MICALL1: variants seen among roughly 807,000 people sequenced by gnomAD.
The protein encoded by MICALL1 is MICAL-like protein 1.
In MICALL1, 61 loss-of-function variants were observed where a neutral mutation model predicts 83.7. The ratio of observed to expected loss-of-function variants is 0.73; its 90% CI spans 0.59 to 0.90. MICALL1 has a LOEUF of 0.90. Ranked by LOEUF, MICALL1 falls within the 40% of genes least tolerant of loss-of-function variation. The pLI is 0.00. For synonymous variants in MICALL1, 481 were observed against 473.6 expected (o/e 1.02, Z -0.20); for missense variants, 1,066 against 1,152.0 (o/e 0.93, Z 1.08).
intron 13 of MICALL1, among the ~76,000 whole-genome samples, chr22:37,936,846 C>T (rs1350310959): frequency 1.3e-5 from 2 of 151,522 alleles, no homozygotes; most frequent in Non-Finnish European, 2.9e-5. Context: ...GAGCCAAGAT[C>T]ACGCCACTGC....
At chr22:37,933,447 T>C (rs1218357288) in intron 13 of MICALL1, among the ~76,000 whole-genome samples, 1 of 152,188 alleles carries the variant, frequency 6.6e-6, no homozygotes, top group African/African-American at 2.4e-5. Flanking sequence ...AGACTGTTCC[T>C]TCTTCTGCCA....
intron 13 of MICALL1, among the ~76,000 whole-genome samples, chr22:37,935,208 A>C (rs1166528931): frequency 6.6e-6 from 1 of 151,722 alleles, no homozygotes; most frequent in African/African-American, 2.4e-5. Context: ...CTAGGATTAC[A>C]GGCGTGAGCC....
chr22:37,940,825 A>C lies in MICALL1; in HGVS notation c.2587A>C (p.Ser863Arg), dbSNP rs758096238. ...DAKSKSPRDK[S>R] ...CAAGAGCAAGTCCCCCAGAGACAAGAGCTAACAGCACGAGAAGCCAGTTGG... is the reference window on the plus strand; with the variant it reads ...CAAGAGCAAGTCCCCCAGAGACAAGCGCTAACAGCACGAGAAGCCAGTTGG... The change falls in exon 16 of 16, where the codon AGC becomes CGC. Residue 863 changes from serine (S) to arginine (R), a missense_variant. Coordinates refer to ENST00000215957, the MANE Select transcript of MICALL1 (RefSeq NM_033386.4). 3 of 1,613,740 alleles carry C rather than the reference A, an allele frequency of 1.9e-6. No homozygotes were observed. The African/African-American group carries it at 4.0e-5, about 22-fold the overall frequency.
chr22:37,910,598 G>A (rs1928255205), intron 1 of MICALL1, among the ~76,000 whole-genome samples: 1 of 152,136 alleles, frequency 6.6e-6, no homozygotes, highest in South Asian at 2.1e-4. Context: ...TGGCAAAAAG[G>A]GAGCTGGTGC....
At chr22:37,914,998 CTG>C (rs1463520234) in intron 3 of MICALL1, among the ~76,000 whole-genome samples, 4 of 150,788 alleles carry the variant, frequency 2.7e-5, no homozygotes, top group African/African-American at 9.7e-5. Context: ...TGGCTCATGC[CTG>C]TAATCCCAGC....
At position 37,927,697 on chromosome 22, in the gene MICALL1, G is replaced by A; in HGVS notation, c.1752G>A (p.Arg584=). The A allele has an allele frequency of 1.9e-6, 3 of 1,614,088 alleles. No homozygotes were observed. Among genetic ancestry groups the A allele is most frequent in the Non-Finnish European group, 2.5e-6 (3 of 1,180,010 alleles). Residue 584 remains arginine (R), a synonymous_variant, in exon 9 of 16, where the codon AGG becomes AGA. Transcript: ENST00000215957. Reference sequence around the variant, plus strand: ...AAGCCAGCCCTGGCCTTGCCCCCAGGACCAGGGGCAGCTCAGGTCCCCAGC... The same window carrying A: ...AAGCCAGCCCTGGCCTTGCCCCCAGAACCAGGGGCAGCTCAGGTCCCCAGC... ...MPQASPGLAP[R]TRGSSGPQPA... is the part of the protein sequence containing the mutation.
intron 10 of MICALL1, 40 bp downstream of exon 10, chr22:37,931,973 C>T (rs1180876301): frequency 1.2e-6 from 2 of 1,602,630 alleles, no homozygotes; most frequent in Admixed American, 3.4e-5. Flanking sequence ...CTGGCCTGGG[C>T]TGGCAACCCC....
intron 5 of MICALL1, among the ~76,000 whole-genome samples, chr22:37,919,881 C>T (rs927297958): frequency 2.0e-5 from 3 of 151,704 alleles, no homozygotes; most frequent in Non-Finnish European, 2.9e-5. Flanking sequence ...CCCGGCTACT[C>T]GGGAAGCTGA....
intron 3 of MICALL1, among the ~76,000 whole-genome samples, chr22:37,916,645 G>A (rs149364990): frequency 1.5e-4 from 22 of 151,190 alleles, no homozygotes; most frequent in Non-Finnish European, 1.8e-4. Flanking sequence ...ACGCTCAGTG[G>A]GTGCCAGTGA....
chr22:37,916,414 A>C (rs1052459933), intron 3 of MICALL1, among the ~76,000 whole-genome samples: 3 of 152,194 alleles, frequency 2.0e-5, no homozygotes, highest in East Asian at 1.9e-4. Flanking sequence ...TTTTTATCCC[A>C]TCTGCTGCTT....
At chr22:37,913,639 C>T (rs2145885223) in intron 3 of MICALL1, among the ~76,000 whole-genome samples, 1 of 152,260 alleles carries the variant, frequency 6.6e-6, no homozygotes, top group East Asian at 1.9e-4. Context: ...CTGGGCATTC[C>T]CATGCAAGGA....
chr22:37,935,882 A>G (rs1436892869), intron 13 of MICALL1, among the ~76,000 whole-genome samples: 1 of 152,024 alleles, frequency 6.6e-6, no homozygotes, highest in Non-Finnish European at 1.5e-5. Flanking sequence ...GGTGTGTGCC[A>G]CCACACCCCG....
rs1487570765 is a variant in MICALL1 at position 37,917,773 on chromosome 22, T to C, written c.404T>C (p.Val135Ala). 2 of 1,613,640 alleles carry C rather than the reference T, an allele frequency of 1.2e-6. No individual in the cohort carries two copies. Among genetic ancestry groups the C allele is most frequent in the Admixed American group, 3.3e-5 (2 of 60,010 alleles). Residue 135 changes from valine (V) to alanine (A), a missense_variant, in exon 4 of 16, where the codon GTG becomes GCG. Transcript: ENST00000215957. ...CCGCCGTCTGTAGCACCCACTCCAG[T>C]GGAACCAGAAGATGTGGCTCAGGTA... is the stretch of plus-strand genomic sequence containing the variant. ...CSPPSVAPTP[V>A]EPEDVAQGEE... is the part of the protein sequence containing the mutation.
chr22:37,933,376 C>T (rs1294081783), intron 13 of MICALL1, among the ~76,000 whole-genome samples: 1 of 152,108 alleles, frequency 6.6e-6, no homozygotes, highest in Non-Finnish European at 1.5e-5. Context: ...CCAGGGATGA[C>T]AGGCTCTCAG....
In MICALL1 at chr22:37,937,076, G is replaced by A; in HGVS notation, c.2309-4G>A. On this transcript the variant is annotated splice_region_variant and splice_polypyrimidine_tract_variant and intron_variant, in intron 13 of 15. Coordinates refer to ENST00000215957, the MANE Select transcript of MICALL1 (RefSeq NM_033386.4). ...CATGCCCCCTAACTTTTCTCCCTGGGCAGAAAAGGACTGGACGGAGGAGGA... is the reference window on the plus strand; with the variant it reads ...CATGCCCCCTAACTTTTCTCCCTGGACAGAAAAGGACTGGACGGAGGAGGA... 6.4e-7 allele frequency: 1 copy of A among 1,551,262 alleles called. No individual in the cohort carries two copies. Among genetic ancestry groups the A allele is most frequent in the Non-Finnish European group, 8.7e-7 (1 of 1,146,736 alleles).
At chr22:37,937,655 T>C (rs1930211090) in intron 14 of MICALL1, 91 bp from the exon 15 acceptor site, 2 of 1,348,848 alleles carry the variant, frequency 1.5e-6, no homozygotes, top group Non-Finnish European at 2.1e-6. Flanking sequence ...AACTCCTGAC[T>C]TCAGGTGATC....
At position 37,932,203 on chromosome 22, in the gene MICALL1, C is replaced by T. The variant is rs1929826540; in HGVS notation, c.2016+270C>T. 6.6e-6 allele frequency among the ~76,000 whole-genome samples: 1 copy of T among 152,280 alleles called. No homozygotes were observed. The highest frequency in any genetic ancestry group is 6.5e-5 in the Admixed American group (1 of 15,286). On this transcript the variant is annotated intron_variant, in intron 10 of 15. Transcript: ENST00000215957. This position sits in a 1 kb window ranked among gnomAD's most constrained non-coding sequence, Gnocchi z 4.4. The stretch of plus-strand genomic sequence containing the variant: ...CAAGTATCAAGCACTCATGATAACA[C>T]TGCTACTTAAGCTGATTAGAGTGTT...
Position 37,906,622 on chromosome 22 carries a change from C to T in MICALL1, c.146+54C>T. ...GGCGCGGGGCGGGCTGGGGCCGCGA[C>T]CGCCGCCCCCCCTCAGTAACACGAA... On this transcript the variant is annotated intron_variant, in intron 1 of 15. Coordinates refer to ENST00000215957, the MANE Select transcript of MICALL1 (RefSeq NM_033386.4). This position sits in a 1 kb window ranked among gnomAD's most constrained non-coding sequence, Gnocchi z 4.4. The T allele has an allele frequency of 8.8e-7, 1 of 1,138,690 alleles. No individual in the cohort carries two copies. The highest frequency in any genetic ancestry group is 1.1e-6 in the Non-Finnish European group (1 of 924,932). 70.5% of individuals were successfully genotyped at this position (1,138,690 alleles called of 1,614,324 possible). A position where few individuals can be genotyped will look rare whatever the true frequency, so the allele number is the denominator to read the frequency against.
chr22:37,931,825 C>G lies in MICALL1; in HGVS notation c.1908C>G (p.Asn636Lys). 1 of 1,614,124 alleles carries G rather than the reference C, an allele frequency of 6.2e-7. No individual in the cohort carries two copies. The highest frequency in any genetic ancestry group is 8.5e-7 in the Non-Finnish European group (1 of 1,180,034). The change falls in exon 10 of 16, where the codon AAC becomes AAG. Residue 636 changes from asparagine to lysine, a missense_variant. Asn to Lys is a moderately conservative substitution (Grantham distance 94). Coordinates refer to ENST00000215957, the MANE Select transcript of MICALL1 (RefSeq NM_033386.4). Reference sequence around the variant, plus strand: ...CCTCCTGCAAGGAGAATCCTTTTAACCGGAAGCCATCACCTGCAGCGTCCC... The same window carrying G: ...CCTCCTGCAAGGAGAATCCTTTTAAGCGGAAGCCATCACCTGCAGCGTCCC... ...VKSSCKENPF[N>K]RKPSPAASPA...
Sources: allele counts gnomAD v4.1 joint callset (sites outside exome capture counted in the v4.1 genomes callset), GRCh38; gene constraint gnomAD v4.1.1; non-coding constraint Gnocchi (gnomAD v3.1); transcripts MANE v1.5; gene names NCBI Gene and HGNC (gene_info 2026-07-23, HGNC 2026-07-21).